USP32: variants seen among roughly 807,000 people sequenced by gnomAD.
The protein encoded by USP32 is ubiquitin specific peptidase 32.
In USP32, 59 loss-of-function variants were observed where a neutral mutation model predicts 204.8. The observed-to-expected ratio is 0.29, with a 90% confidence interval of 0.23 to 0.36. USP32 has a LOEUF of 0.36. Ranked by LOEUF, USP32 falls within the 10% of genes least tolerant of loss-of-function variation. USP32 has a pLI of 1.00. For synonymous variants in USP32, 517 were observed against 678.4 expected (o/e 0.76, Z 3.70); for missense variants, 1,160 against 1,946.4 (o/e 0.60, Z 7.60).
At chr17:60,391,824 C>A (rs957997423) in intron 1 of USP32, 58 bp downstream of exon 1, 2 of 1,579,238 alleles carry the variant, frequency 1.3e-6, no homozygotes, top group East Asian at 2.3e-5. Context: ...GTTACCCACC[C>A]TCCAGGCTGC....
At position 60,205,585 on chromosome 17, in the gene USP32, G is replaced by A. The variant is rs757907081; in HGVS notation, c.3111C>T (p.Phe1037=). 3.1e-6 allele frequency: 5 copies of A among 1,613,984 alleles called. No homozygotes were observed. The highest frequency in any genetic ancestry group is 4.5e-5 in the East Asian group (2 of 44,876). The change falls in exon 26 of 34, where the codon TTC becomes TTT. Residue 1037 remains phenylalanine, a synonymous_variant. Transcript: ENST00000300896. ...TTNGDLPRPI[F]IPNGMPNTVV... Reference sequence around the variant, plus strand: ...CAGTGTTTGGCATTCCATTGGGGATGAATATTGGTCGGGGTAGGTCCCCAT... The same window carrying A: ...CAGTGTTTGGCATTCCATTGGGGATAAATATTGGTCGGGGTAGGTCCCCAT...
At chr17:60,415,255 A>C (rs60313671) in intron 1 of USP32, among the ~76,000 whole-genome samples, 40 of 152,304 alleles carry the variant, frequency 2.6e-4, no homozygotes, top group African/African-American at 9.6e-4. Context: ...ACTTCACTGT[A>C]CATGGTCAAA....
chr17:60,245,136 CTT>C (rs530393649), intron 11 of USP32, among the ~76,000 whole-genome samples: 13 of 151,968 alleles, frequency 8.6e-5, no homozygotes, highest in Non-Finnish European at 1.6e-4. Context: ...GTAAAAATGT[CTT>C]TTAAACCAGT....
At chr17:60,212,771 T>C (rs146076142) in intron 18 of USP32, among the ~76,000 whole-genome samples, 9,168 of 152,040 alleles carry the variant, frequency 0.06, 947 homozygotes, top group African/African-American at 0.21. Flanking sequence ...TTTTTTTTTT[T>C]TGAGACAGTC....
chr17:60,296,554 TC>T (rs1245048749), intron 3 of USP32, among the ~76,000 whole-genome samples: 2 of 152,210 alleles, frequency 1.3e-5, no homozygotes, highest in Non-Finnish European at 2.9e-5. Flanking sequence ...ATTTTGGACT[TC>T]TAGCCTTCAG....
intron 1 of USP32, among the ~76,000 whole-genome samples, chr17:60,345,818 C>CA (rs886984358): frequency 1.9e-4 from 29 of 151,084 alleles, no homozygotes; most frequent in East Asian, 1.6e-3. Context: ...CCCATCTCTA[C>CA]AAAAAAAACA....
chr17:60,395,989 G>A (rs1397895813), upstream of USP32, among the ~76,000 whole-genome samples: 1 of 151,060 alleles, frequency 6.6e-6, no homozygotes, highest in East Asian at 1.9e-4. Context: ...TCAGTATTAT[G>A]GACTTGTTAC....
intron 2 of USP32, among the ~76,000 whole-genome samples, chr17:60,326,472 G>A (rs1598248841): frequency 6.6e-6 from 1 of 151,988 alleles, no homozygotes; most frequent in African/African-American, 2.4e-5. Flanking sequence ...AACCATGCTC[G>A]GCTAATTTTT....
At chr17:60,195,003 A>G (rs2084476724) in intron 27 of USP32, among the ~76,000 whole-genome samples, 1 of 152,224 alleles carries the variant, frequency 6.6e-6, no homozygotes, top group African/African-American at 2.4e-5. Flanking sequence ...CTATACAATG[A>G]ACATCCCATG....
chr17:60,219,543 G>A (rs911750015), intron 16 of USP32, 127 bp downstream of exon 16: 7 of 1,383,390 alleles, frequency 5.1e-6, no homozygotes, highest in African/African-American at 5.0e-5. Flanking sequence ...ACCAGACTTC[G>A]AGCAACGTAG....
intron 9 of USP32, among the ~76,000 whole-genome samples, chr17:60,257,271 G>A (rs1202216761): frequency 6.6e-6 from 1 of 152,110 alleles, no homozygotes; most frequent in Non-Finnish European, 1.5e-5. Context: ...TAGAAGGAGA[G>A]GATTGGAAAG....
chr17:60,242,895 T>C (rs927306645), intron 11 of USP32, among the ~76,000 whole-genome samples: 1 of 152,246 alleles, frequency 6.6e-6, no homozygotes, highest in Non-Finnish European at 1.5e-5. Flanking sequence ...AATTTAGGAA[T>C]AGCTTGTCAA....
intron 1 of USP32, among the ~76,000 whole-genome samples, chr17:60,352,030 AT>A (rs1378282830): frequency 6.6e-6 from 1 of 152,228 alleles, no homozygotes; most frequent in African/African-American, 2.4e-5. Flanking sequence ...TGCAAGTAGT[AT>A]GATATAAATG....
At chr17:60,232,523 C>T (rs1207110654) in intron 12 of USP32, among the ~76,000 whole-genome samples, 1 of 141,368 alleles carries the variant, frequency 7.1e-6, no homozygotes, top group Non-Finnish European at 1.5e-5. Context: ...AAAGTGGCCA[C>T]ATGGACTGGA....
At chr17:60,378,632 GTAC>G (rs1415049772) in intron 1 of USP32, among the ~76,000 whole-genome samples, 1 of 152,084 alleles carries the variant, frequency 6.6e-6, no homozygotes, top group South Asian at 2.1e-4. Flanking sequence ...ATTCTGCTAT[GTAC>G]TACAACATGG....
chr17:60,353,319 G>A (rs892896707), intron 1 of USP32, among the ~76,000 whole-genome samples: 2 of 152,066 alleles, frequency 1.3e-5, no homozygotes, highest in Non-Finnish European at 2.9e-5. Flanking sequence ...GGAACCCAAC[G>A]TTATTTCCAA....
chr17:60,179,531 T>A, intron 33 of USP32, 103 bp from the exon 34 acceptor site: 1 of 1,431,356 alleles, frequency 7.0e-7, no homozygotes, highest in Non-Finnish European at 9.5e-7. Flanking sequence ...CTAAACCTGA[T>A]TGCTTCCAAT....
Position 60,241,044 on chromosome 17 carries a change from C to A in USP32, c.1137-4804G>T, listed in dbSNP as rs2333672. Reference sequence around the variant, plus strand: ...ACAGAGTCTTGCTCTGTTGCCCAGGCTGGAGTGCAGTGGCTCAATCTCAGC... The same window carrying A: ...ACAGAGTCTTGCTCTGTTGCCCAGGATGGAGTGCAGTGGCTCAATCTCAGC... On this transcript the variant is annotated intron_variant, in intron 11 of 33. Coordinates refer to ENST00000300896, the MANE Select transcript of USP32 (RefSeq NM_032582.4). Among the ~76,000 whole-genome samples, 1,163 of 152,304 alleles carry A rather than the reference C, an allele frequency of 7.6e-3. 17 individuals are homozygous for A. The highest frequency in any genetic ancestry group is 0.041 in the Middle Eastern group (12 of 294).
chr17:60,345,173 T>C (rs1185124009), intron 2 of USP32, among the ~76,000 whole-genome samples: 1 of 152,204 alleles, frequency 6.6e-6, no homozygotes, highest in South Asian at 2.1e-4. Flanking sequence ...AACATAAAAA[T>C]TTTTATGTCA....
Sources: gnomAD v4.1 joint callset for allele counts (sites outside exome capture counted in the v4.1 genomes callset) on GRCh38, gnomAD v4.1.1 for gene constraint, MANE v1.5 for transcripts, NCBI Gene and HGNC (gene_info 2026-07-23, HGNC 2026-07-21) for gene names.